KDM5C: variants seen among roughly 807,000 people sequenced by gnomAD.
The protein encoded by KDM5C is lysine-specific demethylase 5C.
KDM5C carries 16 observed loss-of-function variants against 110.6 expected under a neutral mutation model. The ratio of observed to expected loss-of-function variants is 0.14; its 90% confidence interval spans 0.10 to 0.22. KDM5C has a LOEUF of 0.22. Ranked by LOEUF, KDM5C falls within the 10% of genes least tolerant of loss-of-function variation. The pLI, the probability that KDM5C is intolerant of heterozygous loss-of-function variation, is 1.00. For missense variants in KDM5C, 681 were observed against 1,300.9 expected (o/e 0.52, Z 7.33); for synonymous variants, 511 against 520.4 (o/e 0.98, Z 0.24).
chrX:53,178,267 C>A (rs1933935824), intron 25 of KDM5C, among the ~76,000 whole-genome samples: 1 of 112,140 alleles, frequency 8.9e-6, no homozygotes, highest in African/African-American at 3.2e-5. Flanking sequence ...GCTTTCAAAG[C>A]AAAGTTAAAT....
intron 18 of KDM5C, chrX:53,197,565 C>A: frequency 2.2e-6 from 1 of 448,910 alleles, no homozygotes. Flanking sequence ...GTATCCTATA[C>A]CCATACCCTT....
intron 1 of KDM5C, among the ~76,000 whole-genome samples, chrX:53,221,291 G>C (rs2073892381): frequency 9.0e-6 from 1 of 110,667 alleles, no homozygotes; most frequent in East Asian, 2.8e-4. Flanking sequence ...AGGACACACA[G>C]GCCTGGGAGT....
chrX:53,205,174 C>G (rs782765541), intron 12 of KDM5C, among the ~76,000 whole-genome samples: 1 of 111,981 alleles, frequency 8.9e-6, no homozygotes, highest in South Asian at 3.7e-4. Flanking sequence ...TTGGTGAAGA[C>G]ACAGTGAAGT....
In KDM5C at chrX:53,192,600, TG is replaced by T; in HGVS notation, c.*366del. 1.7e-6 allele frequency: 1 copy of T among 600,930 alleles called. No individual in the cohort carries two copies. Among genetic ancestry groups the T allele is most frequent in the Non-Finnish European group, 2.6e-6 (1 of 377,956 alleles). The allele number at this position is 600,930 out of a possible 1,213,427, so 49.5% of individuals were successfully genotyped here. The stretch of plus-strand genomic sequence containing the variant: ...AGCATGGCCTGGCCAGGACCAGAAC[TG>T]GGGAGAGAAGGGAGGAGAGTCCCCC... On this transcript the variant is annotated 3_prime_UTR_variant, in exon 26 of 26. Coordinates refer to ENST00000375401, the MANE Select transcript of KDM5C (RefSeq NM_004187.5).
chrX:53,217,775 G>A, intron 4 of KDM5C, 21 bp downstream of exon 4: 3 of 1,207,711 alleles, frequency 2.5e-6, no homozygotes, highest in Non-Finnish European at 3.4e-6. Flanking sequence ...GCCGCACCCT[G>A]CCCCACTGTG....
intron 14 of KDM5C, among the ~76,000 whole-genome samples, chrX:53,199,677 A>G (rs2073081416): frequency 8.9e-6 from 1 of 112,108 alleles, no homozygotes; most frequent in Admixed American, 9.5e-5. Context: ...TTAAAGAGAT[A>G]TAATAATTTT....
chrX:53,221,520 A>G (rs1556854700), intron 1 of KDM5C, among the ~76,000 whole-genome samples: 1 of 112,417 alleles, frequency 8.9e-6, no homozygotes, highest in Non-Finnish European at 1.9e-5. Flanking sequence ...ATGACCTGAC[A>G]TCTAAGGCTG....
At chrX:53,211,977 G>A in intron 8 of KDM5C, 71 bp from the exon 9 acceptor site, 2 of 1,155,194 alleles carry the variant, frequency 1.7e-6, no homozygotes, top group South Asian at 3.7e-5. Context: ...AGTGGAACTG[G>A]AATATAAGGG....
intron 25 of KDM5C, among the ~76,000 whole-genome samples, chrX:53,184,200 T>C (rs1556827325): frequency 8.9e-6 from 1 of 112,154 alleles, no homozygotes; most frequent in African/African-American, 3.2e-5. Context: ...TGTGTTGATC[T>C]TGCACCTTGC....
At chrX:53,202,601 AC>A (rs2073176721) in intron 12 of KDM5C, 2 of 113,530 alleles carry the variant, frequency 1.8e-5, no homozygotes, top group Admixed American at 9.2e-5. Flanking sequence ...CCCAATCTGG[AC>A]CAGCTGTCCT....
At chrX:53,180,655 G>A (rs927842706) in intron 25 of KDM5C, among the ~76,000 whole-genome samples, 3 of 107,960 alleles carry the variant, frequency 2.8e-5, no homozygotes, top group African/African-American at 6.7e-5. Flanking sequence ...CTCTGCCTCC[G>A]GGGTTCAAGC....
At chrX:53,203,243 C>G (rs1278401630) in intron 12 of KDM5C, among the ~76,000 whole-genome samples, 1 of 111,611 alleles carries the variant, frequency 9.0e-6, no homozygotes, top group African/African-American at 3.3e-5. Flanking sequence ...CATTTGAAAC[C>G]TGTTTCTCTC....
rs1556839501 is a variant in KDM5C at position 53,198,553 on chromosome X, C to G, written c.2453G>C (p.Cys818Ser). The change falls in exon 17 of 26, where the codon TGC becomes TCC. Residue 818 changes from cysteine (C) to serine (S), a missense_variant. This residue lies in a region of KDM5C where 123 missense variants were observed against 169.0 expected (regional missense o/e 0.73). Transcript: ENST00000375401. ...NSELLQQLKNCLSEAEACVSR... is the reference protein window; with the variant it reads ...NSELLQQLKNSLSEAEACVSR... ...CACGCAAGCCTCTGCCTCACTCAGGCAGTTCTTTAGTTGCTGCAGCAGCTC... is the reference window on the plus strand; with the variant it reads ...CACGCAAGCCTCTGCCTCACTCAGGGAGTTCTTTAGTTGCTGCAGCAGCTC... The G allele has an allele frequency of 3.3e-6, 4 of 1,209,343 alleles. No homozygotes were observed. In the African/African-American group the frequency reaches 5.2e-5, roughly 16 times the overall value.
At chrX:53,204,967 T>G (rs989274679) in intron 12 of KDM5C, among the ~76,000 whole-genome samples, 4 of 112,260 alleles carry the variant, frequency 3.6e-5, no homozygotes, top group Non-Finnish European at 7.5e-5. Flanking sequence ...TTCTCATCTA[T>G]CTGTTTTCTA....
At chrX:53,194,829 G>C (rs1254223163) in intron 22 of KDM5C, 91 bp from the exon 23 acceptor site, 1 of 1,191,668 alleles carries the variant, frequency 8.4e-7, no homozygotes, top group South Asian at 1.8e-5. Flanking sequence ...CCCAAACCAG[G>C]AGAACTGAGG....
intron 1 of KDM5C, 88 bp downstream of exon 1, chrX:53,224,652 G>C (rs782400140): frequency 2.7e-6 from 3 of 1,107,788 alleles, no homozygotes; most frequent in Admixed American, 4.6e-5. Flanking sequence ...TCCCCACCTC[G>C]AGCTGCCCTC....
chrX:53,188,885 C>A (rs1934317548), downstream of KDM5C, among the ~76,000 whole-genome samples: 1 of 110,998 alleles, frequency 9.0e-6, no homozygotes, highest in African/African-American at 3.3e-5. Context: ...CTGAGAGTGA[C>A]CCCCAGCCAA....
chrX:53,179,250 A>T (rs1466891753), intron 25 of KDM5C, among the ~76,000 whole-genome samples: 3 of 82,181 alleles, frequency 3.7e-5, no homozygotes, highest in African/African-American at 1.3e-4. Context: ...AAAAAAAAAA[A>T]TTCAAAAATT....
chrX:53,188,160 T>C (rs1556828709), downstream of KDM5C, among the ~76,000 whole-genome samples: 1 of 111,957 alleles, frequency 8.9e-6, no homozygotes, highest in Non-Finnish European at 1.9e-5. Flanking sequence ...TTAGATGTTC[T>C]GGATTTTGGG....
Sources: allele counts gnomAD v4.1 joint callset (sites outside exome capture counted in the v4.1 genomes callset), GRCh38; gene constraint gnomAD v4.1.1; regional missense constraint gnomAD v4.1.1; transcripts MANE v1.5; gene names NCBI Gene and HGNC (gene_info 2026-07-23, HGNC 2026-07-21).